Variants in KIRREL3 observed in about 807,000 individuals in gnomAD.
The protein encoded by KIRREL3 is kirre like nephrin family adhesion molecule 3, also known as kin of IRRE-like protein 3.
Under a neutral mutation model 89.7 loss-of-function variants are expected in KIRREL3, and 36 were observed. That is an observed-to-expected ratio of 0.40 (90% CI 0.31 to 0.53). The LOEUF is 0.53. Ranked by LOEUF, KIRREL3 falls within the 20% of genes least tolerant of loss-of-function variation. The probability of loss-of-function intolerance (pLI) is 0.49; values close to 1 mark genes in which losing one functional copy is unlikely to be tolerated. For missense variants in KIRREL3, 864 were observed against 1,056.6 expected, an observed-to-expected ratio of 0.82 and a Z score of 2.53; for synonymous variants, 445 against 441.4, an observed-to-expected ratio of 1.01 and a Z score of -0.10.
intron 4 of KIRREL3, among the ~76,000 whole-genome samples, chr11:126,497,650 G>A (rs1156910741): frequency 6.6e-6 from 1 of 152,188 alleles, no homozygotes; most frequent in Non-Finnish European, 1.5e-5. Context: ...GTTGCACAGC[G>A]GGCTCTCAGC....
chr11:126,687,653 C>G lies in KIRREL3; in HGVS notation c.56-124741G>C, dbSNP rs1946716259. The stretch of plus-strand genomic sequence containing the variant: ...AAATCATTGATATTTTTCCCCATTG[C>G]TTCATTCAACAAATTTACATTGCAC... On this transcript the variant is annotated intron_variant, in intron 1 of 16. Coordinates refer to ENST00000525144, the MANE Select transcript of KIRREL3 (RefSeq NM_032531.4). The surrounding 1 kb of genome is among the most constrained non-coding windows in gnomAD (Gnocchi z 4.6). 6.6e-6 allele frequency among the ~76,000 whole-genome samples: 1 copy of G among 152,204 alleles called. No homozygotes were observed. The highest frequency in any genetic ancestry group is 1.5e-5 in the Non-Finnish European group (1 of 68,040).
chr11:126,494,179 T>C (rs1380537161), intron 4 of KIRREL3, among the ~76,000 whole-genome samples: 1 of 152,196 alleles, frequency 6.6e-6, no homozygotes, highest in African/African-American at 2.4e-5. Context: ...AAAATGCCAA[T>C]TCTCTCAGTC....
rs565999585 is a variant in KIRREL3 at position 126,459,734 on chromosome 11, G to A, written c.743-3280C>T. Among the ~76,000 whole-genome samples, 10 of 152,312 alleles carry A rather than the reference G, an allele frequency of 6.6e-5. No homozygotes were observed. Among genetic ancestry groups the A allele is most frequent in the African/African-American group, 2.2e-4 (9 of 41,566 alleles). On this transcript the variant is annotated intron_variant, in intron 6 of 16. Coordinates refer to ENST00000525144, the MANE Select transcript of KIRREL3 (RefSeq NM_032531.4). This position sits in a 1 kb window ranked among gnomAD's most constrained non-coding sequence, Gnocchi z 4.8. ...TCCGCCCGTGTGTGCGTGTGTCCAT[G>A]TGTGTGTGTTTTCAGGGGAAGTATT...
chr11:126,799,378 GCA>G, intron 1 of KIRREL3, among the ~76,000 whole-genome samples: 1 of 73,802 alleles, frequency 1.4e-5, no homozygotes, highest in African/African-American at 5.7e-5. Flanking sequence ...ATCTGTGTGT[GCA>G]TGCGTGTATC....
Position 126,783,051 on chromosome 11 carries a change from A to G in KIRREL3, c.55+217404T>C, listed in dbSNP as rs1048603085. 1.3e-5 allele frequency among the ~76,000 whole-genome samples: 2 copies of G among 152,226 alleles called. No individual in the cohort carries two copies. Among genetic ancestry groups the G allele is most frequent in the Non-Finnish European group, 1.5e-5 (1 of 68,032 alleles). Reference sequence around the variant, plus strand: ...TCTGTGCTAGTTTCCTAGAGATGTCATAACAAATAACTACAACTGGGTGGC... The same window carrying G: ...TCTGTGCTAGTTTCCTAGAGATGTCGTAACAAATAACTACAACTGGGTGGC... On this transcript the variant is annotated intron_variant, in intron 1 of 16. Transcript: ENST00000525144. This position sits in a 1 kb window ranked among gnomAD's most constrained non-coding sequence, Gnocchi z 4.3.
intron 1 of KIRREL3, among the ~76,000 whole-genome samples, chr11:126,604,644 G>A (rs551467216): frequency 2.0e-5 from 3 of 152,312 alleles, no homozygotes; most frequent in South Asian, 2.1e-4. Flanking sequence ...GCCACATGGG[G>A]GTGGGTGGGT....
rs1399996813 is a variant in KIRREL3 at position 126,486,491 on chromosome 11, G to A, written c.434-13025C>T. On this transcript the variant is annotated intron_variant, in intron 4 of 16. Transcript: ENST00000525144. This position sits in a 1 kb window ranked among gnomAD's most constrained non-coding sequence, Gnocchi z 6.2. The stretch of plus-strand genomic sequence containing the variant: ...CTTAGGTGTGTTTGCAGGAATAACC[G>A]GCACATGCCCCCTTGCAGCCGCTCA... Among the ~76,000 whole-genome samples, 2 of 152,222 alleles carry A rather than the reference G, an allele frequency of 1.3e-5. No individual in the cohort carries two copies. Among genetic ancestry groups the A allele is most frequent in the Non-Finnish European group, 2.9e-5 (2 of 68,030 alleles).
chr11:126,528,035 C>T lies in KIRREL3; in HGVS notation c.134-1348G>A, dbSNP rs1958818662. ...GGGCAGAAAAAGCCCCACTTTACAA[C>T]AAAGAAACCAGGATCAGAGAGGCAC... is the stretch of plus-strand genomic sequence containing the variant. On this transcript the variant is annotated intron_variant, in intron 2 of 16. Coordinates refer to ENST00000525144, the MANE Select transcript of KIRREL3 (RefSeq NM_032531.4). This position sits in a 1 kb window ranked among gnomAD's most constrained non-coding sequence, Gnocchi z 4.6. 6.6e-6 allele frequency among the ~76,000 whole-genome samples: 1 copy of T among 152,220 alleles called. No homozygotes were observed. Among genetic ancestry groups the T allele is most frequent in the Admixed American group, 6.5e-5 (1 of 15,282 alleles).
intron 1 of KIRREL3, among the ~76,000 whole-genome samples, chr11:126,913,626 C>T (rs1946913687): frequency 6.6e-6 from 1 of 152,198 alleles, no homozygotes; most frequent in African/African-American, 2.4e-5. Flanking sequence ...TCAAGCGGTA[C>T]CTAACTCTGA....
Position 126,574,980 on chromosome 11 carries a change from AT to A in KIRREL3, c.56-12069del, listed in dbSNP as rs1294568258. 6.6e-6 allele frequency among the ~76,000 whole-genome samples: 1 copy of A among 152,086 alleles called. No homozygotes were observed. Among genetic ancestry groups the A allele is most frequent in the Non-Finnish European group, 1.5e-5 (1 of 68,012 alleles). On this transcript the variant is annotated intron_variant, in intron 1 of 16. Coordinates refer to ENST00000525144, the MANE Select transcript of KIRREL3 (RefSeq NM_032531.4). The surrounding 1 kb of genome is among the most constrained non-coding windows in gnomAD (Gnocchi z 5.3). ...GGGGATCAGTGTGTCTCTGGGACCTATTTACCCCTATGAACCACTGGGGTTC... is the reference window on the plus strand; with the variant it reads ...GGGGATCAGTGTGTCTCTGGGACCTATTACCCCTATGAACCACTGGGGTTC...
intron 1 of KIRREL3, among the ~76,000 whole-genome samples, chr11:126,690,349 G>C (rs2135129772): frequency 6.8e-6 from 1 of 146,782 alleles, no homozygotes; most frequent in African/African-American, 2.6e-5. Flanking sequence ...AAAGAAATTA[G>C]TTCTAAGCAG....
chr11:126,619,639 C>T (rs377203673), intron 1 of KIRREL3, among the ~76,000 whole-genome samples: 6 of 152,292 alleles, frequency 3.9e-5, no homozygotes, highest in East Asian at 3.9e-4. Flanking sequence ...AGACTTTAGG[C>T]GGATTTGTAG....
At chr11:126,841,205 C>G (rs1227263312) in intron 1 of KIRREL3, among the ~76,000 whole-genome samples, 1 of 152,170 alleles carries the variant, frequency 6.6e-6, no homozygotes, top group African/African-American at 2.4e-5. Flanking sequence ...GTCTACTGTC[C>G]TCTTGCATAT....
rs1460984739 is a variant in KIRREL3, at chr11:126,755,049, G to C, written c.56-192137C>G. 3.3e-5 allele frequency among the ~76,000 whole-genome samples: 5 copies of C among 152,146 alleles called. No individual in the cohort carries two copies. The highest frequency in any genetic ancestry group is 2.9e-5 in the Non-Finnish European group (2 of 68,026). ...AATTGGGCCCAAGGAACCCAGATAA[G>C]AGTATCTTAATCAAATAAAAAAAGC... On this transcript the variant is annotated intron_variant, in intron 1 of 16. Coordinates refer to ENST00000525144, the MANE Select transcript of KIRREL3 (RefSeq NM_032531.4). This position sits in a 1 kb window ranked among gnomAD's most constrained non-coding sequence, Gnocchi z 4.3.
In KIRREL3 at chr11:126,561,140, A is replaced by C. The variant is rs1039431841; in HGVS notation, c.133+1695T>G. Among the ~76,000 whole-genome samples, 1 of 152,142 alleles carries C rather than the reference A, an allele frequency of 6.6e-6. No homozygotes were observed. Among genetic ancestry groups the C allele is most frequent in the African/African-American group, 2.4e-5 (1 of 41,412 alleles). On this transcript the variant is annotated intron_variant, in intron 2 of 16. Coordinates refer to ENST00000525144, the MANE Select transcript of KIRREL3 (RefSeq NM_032531.4). The surrounding 1 kb of genome is among the most constrained non-coding windows in gnomAD (Gnocchi z 4.5). ...AGGCTGGCTGGAGTGGAAGAAGAGG[A>C]GCTTCCTCCCTCCAGAGCCCTCCCT...
Position 126,608,848 on chromosome 11 carries a change from A to G in KIRREL3, c.56-45936T>C, listed in dbSNP as rs568276675. 1.3e-5 allele frequency among the ~76,000 whole-genome samples: 2 copies of G among 152,246 alleles called. No homozygotes were observed. The highest frequency in any genetic ancestry group is 4.8e-5 in the African/African-American group (2 of 41,540). ...TCTGGAGTGGAGATGGGCAATGGGG[A>G]TGCCTGATGAGACCTATGTCCAGGA... On this transcript the variant is annotated intron_variant, in intron 1 of 16. Transcript: ENST00000525144. The surrounding 1 kb of genome is among the most constrained non-coding windows in gnomAD (Gnocchi z 4.9).
rs1283991089 is a variant in KIRREL3, at chr11:126,797,810, G to A, written c.55+202645C>T. ...TTTGTCCTTGTAAATCAGAAGCACC[G>A]GGAGCAATTTATTTCTAAACATCAA... is the stretch of plus-strand genomic sequence containing the variant. On this transcript the variant is annotated intron_variant, in intron 1 of 16. Transcript: ENST00000525144. The surrounding 1 kb of genome is among the most constrained non-coding windows in gnomAD (Gnocchi z 4.9). Among the ~76,000 whole-genome samples the A allele has an allele frequency of 2.6e-5, 4 of 152,124 alleles. No homozygotes were observed. Among genetic ancestry groups the A allele is most frequent in the Non-Finnish European group, 5.9e-5 (4 of 68,036 alleles).
At chr11:126,698,572 A>T (rs1036827734) in intron 1 of KIRREL3, among the ~76,000 whole-genome samples, 2 of 152,242 alleles carry the variant, frequency 1.3e-5, no homozygotes, top group Non-Finnish European at 2.9e-5. Flanking sequence ...TCATAAGAGC[A>T]TCTGCTCAGG....
intron 6 of KIRREL3, among the ~76,000 whole-genome samples, chr11:126,458,807 T>C (rs1382774023): frequency 6.6e-6 from 1 of 152,166 alleles, no homozygotes; most frequent in Non-Finnish European, 1.5e-5. Flanking sequence ...ATAATTCAAG[T>C]GGTCACAAAG....
Sources: gnomAD v4.1 joint callset for allele counts (sites outside exome capture counted in the v4.1 genomes callset) on GRCh38, gnomAD v4.1.1 for gene constraint, Gnocchi (gnomAD v3.1) non-coding constraint, MANE v1.5 for transcripts, NCBI Gene and HGNC (gene_info 2026-07-23, HGNC 2026-07-21) for gene names.